The following TSPEAR variants were observed in gnomAD, a reference collection of about 807,000 sequenced individuals.
The protein encoded by TSPEAR is thrombospondin-type laminin G domain and EAR repeat-containing protein.
Under a neutral mutation model 71.6 loss-of-function variants are expected in TSPEAR, and 69 were observed. That is an observed-to-expected ratio of 0.96 (90% confidence interval 0.79 to 1.18). The LOEUF is 1.18. Ranked by LOEUF, TSPEAR falls within the 50% of genes most tolerant of loss-of-function variation. The pLI, the probability that TSPEAR is intolerant of heterozygous loss-of-function variation, is 0.00. For synonymous variants in TSPEAR, 402 were observed against 387.2 expected (o/e 1.04, Z -0.45); for missense variants, 971 against 894.9 (o/e 1.09, Z -1.09).
intron 1 of TSPEAR, chr21:44,601,540 T>C (rs1980906701): frequency 6.2e-7 from 1 of 1,613,888 alleles, no homozygotes; most frequent in Non-Finnish European, 8.5e-7. Flanking sequence ...CAGACCCTCC[T>C]CCTCCGTGTC....
At chr21:44,528,378 C>T in intron 6 of TSPEAR, 74 bp downstream of exon 6, 5 of 1,598,124 alleles carry the variant, frequency 3.1e-6, no homozygotes, top group Non-Finnish European at 4.3e-6. Context: ...GCCCCCTCTC[C>T]TAGCCTCCAC....
chr21:44,539,393 G>A lies in TSPEAR; in HGVS notation c.304-5470C>T, dbSNP rs200660526. The A allele has an allele frequency of 6.0e-4, 958 of 1,601,666 alleles. 4 individuals carry two copies. The highest frequency in any genetic ancestry group is 2.1e-4 in the Non-Finnish European group (250 of 1,170,004). ...GCTGGCCTGGCAGGAGGAGGCAGGG[G>A]CACAGCAGGAGGAGACAGGCATACA... is the stretch of plus-strand genomic sequence containing the variant. On this transcript the variant is annotated intron_variant, in intron 2 of 11. Coordinates refer to ENST00000323084, the MANE Select transcript of TSPEAR (RefSeq NM_144991.3).
intron 1 of TSPEAR, among the ~76,000 whole-genome samples, chr21:44,663,263 A>G (rs1013935738): frequency 6.6e-6 from 1 of 152,106 alleles, no homozygotes; most frequent in East Asian, 1.9e-4. Flanking sequence ...CAATATTAGG[A>G]GTGAAGAAGA....
intron 1 of TSPEAR, among the ~76,000 whole-genome samples, chr21:44,631,159 T>C (rs1330459170): frequency 1.3e-5 from 2 of 151,562 alleles, no homozygotes; most frequent in Non-Finnish European, 2.9e-5. Context: ...TTCCATTAAC[T>C]CTTTTAAATA....
At chr21:44,640,730 C>T (rs1983977580) in intron 1 of TSPEAR, among the ~76,000 whole-genome samples, 1 of 152,192 alleles carries the variant, frequency 6.6e-6, no homozygotes, top group African/African-American at 2.4e-5. Flanking sequence ...ACAAAAAGAT[C>T]AGGTTCTATT....
chr21:44,547,483 A>G (rs1466992508), intron 2 of TSPEAR, among the ~76,000 whole-genome samples: 2 of 152,152 alleles, frequency 1.3e-5, no homozygotes, highest in East Asian at 3.9e-4. Flanking sequence ...GACTATTACA[A>G]TGGGATATTT....
At chr21:44,594,481 C>CTAAT (rs1980224786) in intron 1 of TSPEAR, among the ~76,000 whole-genome samples, 1 of 152,206 alleles carries the variant, frequency 6.6e-6, no homozygotes. Flanking sequence ...GCAAGACCGA[C>CTAAT]ATTAAAGTCT....
At chr21:44,601,950 C>A in intron 1 of TSPEAR, 1 of 721,330 alleles carries the variant, frequency 1.4e-6, no homozygotes, top group Non-Finnish European at 2.3e-6. Flanking sequence ...GCTTCCCCAG[C>A]AACAGGTGGG....
chr21:44,647,438 A>G lies in TSPEAR; in HGVS notation c.82+63995T>C, dbSNP rs1345474015. 4.1e-6 allele frequency: 6 copies of G among 1,479,968 alleles called. No individual in the cohort carries two copies. The Admixed American group carries it at 6.2e-5, about 15-fold the overall frequency. The allele number at this position is 1,479,968 out of a possible 1,614,324, so 91.7% of individuals were successfully genotyped here. On this transcript the variant is annotated intron_variant, in intron 1 of 11. Transcript: ENST00000323084. Reference sequence around the variant, plus strand: ...TCTCAGGAGCCCCTGGAGTCCTCAGAATCCACCAGCTCCATCAGTAGCCAC... The same window carrying G: ...TCTCAGGAGCCCCTGGAGTCCTCAGGATCCACCAGCTCCATCAGTAGCCAC...
intron 1 of TSPEAR, among the ~76,000 whole-genome samples, chr21:44,707,141 G>A (rs1987964192): frequency 6.6e-6 from 1 of 152,244 alleles, no homozygotes; most frequent in African/African-American, 2.4e-5. Context: ...CAGCCCAGGC[G>A]ATCAGGGCGC....
intron 1 of TSPEAR, among the ~76,000 whole-genome samples, chr21:44,617,104 C>T (rs782277708): frequency 6.6e-6 from 1 of 152,196 alleles, no homozygotes; most frequent in Non-Finnish European, 1.5e-5. Context: ...CCACTCATGC[C>T]TCCCCCAGCT....
intron 3 of TSPEAR, among the ~76,000 whole-genome samples, chr21:44,531,932 C>T (rs1038627607): frequency 1.3e-5 from 2 of 152,330 alleles, no homozygotes; most frequent in South Asian, 4.1e-4. Context: ...GCTCGCCTCC[C>T]GCCCACGCTG....
At chr21:44,553,611 T>A (rs2053481445) in intron 2 of TSPEAR, among the ~76,000 whole-genome samples, 2 of 151,518 alleles carry the variant, frequency 1.3e-5, no homozygotes, top group Admixed American at 6.6e-5. Context: ...GAAAAAAAAA[T>A]AAGATCAAAG....
chr21:44,607,116 C>T (rs989363317), intron 1 of TSPEAR, among the ~76,000 whole-genome samples: 4 of 152,194 alleles, frequency 2.6e-5, no homozygotes, highest in Non-Finnish European at 4.4e-5. Context: ...CACAGTCTTG[C>T]TCTGTTGCCA....
In TSPEAR at chr21:44,499,890, C is replaced by T. The variant is rs782676518; in HGVS notation, c.1903G>A (p.Val635Ile). ...AAGGCCTCCCAGTCCCTGCAGCCGA[C>T]GGTGGGGAGGCTGTGCACCGCCACG... is the stretch of plus-strand genomic sequence containing the variant. ...GFVAVHSLPT[V>I]GCRDWEAFST... is the part of the protein sequence containing the mutation. The change falls in exon 12 of 12, where the codon GTC (valine) becomes ATC (isoleucine). Residue 635 changes from valine to isoleucine, a missense_variant. Transcript: ENST00000323084. The T allele has an allele frequency of 2.1e-5, 34 of 1,607,200 alleles. No individual in the cohort carries two copies. The highest frequency in any genetic ancestry group is 2.7e-5 in the African/African-American group (2 of 74,562).
chr21:44,678,133 G>T, intron 1 of TSPEAR: 1 of 593,974 alleles, frequency 1.7e-6, no homozygotes, highest in Non-Finnish European at 3.1e-6. Context: ...CTGCCATGGC[G>T]GCACGAGTAA....
At chr21:44,600,579 C>T in intron 1 of TSPEAR, 1 of 1,585,810 alleles carries the variant, frequency 6.3e-7, no homozygotes. Context: ...CTCATTCACT[C>T]ACTCACCCAC....
chr21:44,548,027 C>T (rs587606636), intron 2 of TSPEAR, among the ~76,000 whole-genome samples: 53 of 152,278 alleles, frequency 3.5e-4, no homozygotes, highest in African/African-American at 1.2e-3. Context: ...TTGGGCATGC[C>T]CAATGTTTTC....
At position 44,546,252 on chromosome 21, in the gene TSPEAR, T is replaced by C. The variant is rs1555917736; in HGVS notation, c.304-12329A>G. ...CTTCATATGGCTCCAGGTTACTGTCTAGTGCCCTTTTATTTCAGCCTGAAT... is the reference window on the plus strand; with the variant it reads ...CTTCATATGGCTCCAGGTTACTGTCCAGTGCCCTTTTATTTCAGCCTGAAT... On this transcript the variant is annotated intron_variant, in intron 2 of 11. Transcript: ENST00000323084. This position sits in a 1 kb window ranked among gnomAD's most constrained non-coding sequence, Gnocchi z 4.4. 6.6e-6 allele frequency among the ~76,000 whole-genome samples: 1 copy of C among 152,236 alleles called. No individual in the cohort carries two copies. The highest frequency in any genetic ancestry group is 6.5e-5 in the Admixed American group (1 of 15,286).
Sources: gnomAD v4.1 joint callset for allele counts (sites outside exome capture counted in the v4.1 genomes callset) on GRCh38, gnomAD v4.1.1 for gene constraint, Gnocchi (gnomAD v3.1) non-coding constraint, MANE v1.5 for transcripts, NCBI Gene and HGNC (gene_info 2026-07-23, HGNC 2026-07-21) for gene names.